Variants in MTAP observed in about 807,000 individuals in gnomAD.
MTAP encodes the protein S-methyl-5'-thioadenosine phosphorylase.
Under a neutral mutation model 33.6 loss-of-function variants are expected in MTAP, and 33 were observed. The observed-to-expected ratio is 0.98, with a 90% confidence interval of 0.74 to 1.31. The LOEUF (loss-of-function observed/expected upper bound fraction) is 1.31. Ranked by LOEUF, MTAP falls within the 40% of genes most tolerant of loss-of-function variation. MTAP has a pLI of 0.00. For synonymous variants in MTAP, 148 were observed against 125.7 expected (o/e 1.18, Z -1.19); for missense variants, 367 against 360.0 (o/e 1.02, Z -0.16).
At chr9:21,869,192 C>T (rs973944816), downstream of MTAP, among the ~76,000 whole-genome samples, 21 of 152,112 alleles carry the variant, frequency 1.4e-4, no homozygotes, top group Admixed American at 7.2e-4. Context: ...TAAAATCCCT[C>T]GAGTTATTGT....
intron 1 of MTAP, chr9:21,803,138 C>A (rs1159532894): frequency 6.9e-6 from 3 of 433,670 alleles, no homozygotes; most frequent in Non-Finnish European, 7.8e-6. Context: ...CACCACCATT[C>A]CTGAGAACCA....
intron 1 of MTAP, among the ~76,000 whole-genome samples, chr9:21,805,845 T>C (rs1165656533): frequency 6.6e-6 from 1 of 152,192 alleles, no homozygotes; most frequent in Admixed American, 6.5e-5. Context: ...TATTTTGTTA[T>C]AGCAGCCTGA....
At position 21,837,615 on chromosome 9, in the gene MTAP, G is replaced by T. The variant is rs117781186; in HGVS notation, c.348-293G>T. Reference sequence around the variant, plus strand: ...CTTAAGTGTCTTACCTGGCCTTTCTGAGCCCACAGTTGAGTTGCACCTGCA... The same window carrying T: ...CTTAAGTGTCTTACCTGGCCTTTCTTAGCCCACAGTTGAGTTGCACCTGCA... On this transcript the variant is annotated intron_variant, in intron 4 of 7. Coordinates refer to ENST00000644715, the MANE Select transcript of MTAP (RefSeq NM_002451.4). Among the ~76,000 whole-genome samples the T allele has an allele frequency of 9.0e-3, 1,377 of 152,278 alleles. 14 individuals carry two copies. Among genetic ancestry groups the T allele is most frequent in the Non-Finnish European group, 0.014 (978 of 68,026 alleles).
chr9:21,854,701 G>T lies in MTAP; in HGVS notation c.521G>T (p.Gly174Val). Residue 174 changes from glycine to valine, a missense_variant, in exon 6 of 8, where the codon GGA becomes GTA. Physicochemically the swap from Gly to Val is moderately radical, Grantham distance 109 (BLOSUM62 -3). Transcript: ENST00000644715. ...HSKGTMVTIEGPRFSSRAESF... is the reference protein window; with the variant it reads ...HSKGTMVTIEVPRFSSRAESF... ...AAGGGGACAATGGTCACAATCGAGG[G>T]ACCTCGTTTTAGCTCCCGGGCAGAA... 1 of 1,614,038 alleles carries T rather than the reference G, an allele frequency of 6.2e-7. No individual in the cohort carries two copies. Among genetic ancestry groups the T allele is most frequent in the Non-Finnish European group, 8.5e-7 (1 of 1,179,930 alleles).
In MTAP at chr9:21,816,776, T is replaced by G. The variant is rs565103986; in HGVS notation, c.179+4T>G. 65 of 1,607,720 alleles carry G rather than the reference T, an allele frequency of 4.0e-5. 1 individual carries two copies. The South Asian group carries it at 6.8e-4, about 17-fold the overall frequency. On this transcript the variant is annotated splice_donor_region_variant and intron_variant, in intron 3 of 7. Transcript: ENST00000644715. Reference sequence around the variant, plus strand: ...TTGATTGCGTCCTCCTTGCAAGGTATGGTATTTTAAGCTTTTTGGATGTTA... The same window carrying G: ...TTGATTGCGTCCTCCTTGCAAGGTAGGGTATTTTAAGCTTTTTGGATGTTA...
At chr9:21,930,853 C>G in intron 1 of MTAP, 1 of 655,138 alleles carries the variant, frequency 1.5e-6, no homozygotes, top group South Asian at 1.8e-5. Flanking sequence ...GAACAAGCCT[C>G]TCGTGGTTAG....
chr9:21,802,643 C>T lies in MTAP; in HGVS notation c.-106C>T. 7.6e-7 allele frequency: 1 copy of T among 1,316,540 alleles called. No homozygotes were observed. The highest frequency in any genetic ancestry group is 1.1e-6 in the Non-Finnish European group (1 of 930,046). 81.6% of individuals were successfully genotyped at this position (1,316,540 alleles called of 1,614,324 possible). On this transcript the variant is annotated 5_prime_UTR_variant, in exon 1 of 8. Transcript: ENST00000644715. ...TCAAGGCCCGCCCCTGGTCTCCGCA[C>T]TGCTCACTCCCGCGCAGTGAGGTTG...
chr9:21,909,396 A>T (rs1437977207), intron 1 of MTAP, among the ~76,000 whole-genome samples: 2 of 152,256 alleles, frequency 1.3e-5, no homozygotes, highest in East Asian at 3.9e-4. Flanking sequence ...GAATGTATAT[A>T]GTCCATATAG....
downstream of MTAP, among the ~76,000 whole-genome samples, chr9:21,868,765 C>G (rs923517836): frequency 2.6e-5 from 4 of 152,170 alleles, no homozygotes; most frequent in Non-Finnish European, 4.4e-5. Flanking sequence ...CTGCTGCTCT[C>G]TCCCAAACTG....
At chr9:21,808,607 CA>C (rs1824268263) in intron 1 of MTAP, among the ~76,000 whole-genome samples, 1 of 142,808 alleles carries the variant, frequency 7.0e-6, no homozygotes, top group African/African-American at 2.6e-5. Flanking sequence ...AAAAAAAAAA[CA>C]CACACACACA....
downstream of MTAP, among the ~76,000 whole-genome samples, chr9:21,940,380 C>T (rs944681565): frequency 1.6e-4 from 24 of 152,228 alleles, no homozygotes; most frequent in African/African-American, 5.1e-4. Context: ...ATCAGTTTTA[C>T]TGTGATTATT....
At chr9:21,877,220 A>G (rs1826025170) in intron 1 of MTAP, among the ~76,000 whole-genome samples, 1 of 152,034 alleles carries the variant, frequency 6.6e-6, no homozygotes, top group Non-Finnish European at 1.5e-5. Flanking sequence ...GTATCCTGAA[A>G]TTTTGCTGAA....
rs949366316 is a variant in MTAP, at chr9:21,865,788, A to G, written c.*3774A>G. ...CTTCAGAAAGACAATCTCGGCATGC[A>G]TTATTTCTTTGTTTTGAAGATTCAC... On this transcript the variant is annotated 3_prime_UTR_variant, in exon 8 of 8. Coordinates refer to ENST00000644715, the MANE Select transcript of MTAP (RefSeq NM_002451.4). The G allele has an allele frequency of 2.9e-4, 301 of 1,027,464 alleles. No homozygotes were observed. Among genetic ancestry groups the G allele is most frequent in the Non-Finnish European group, 3.5e-4 (297 of 851,576 alleles). 63.6% of individuals were successfully genotyped at this position (1,027,464 alleles called of 1,614,324 possible). A position where few individuals can be genotyped will look rare whatever the true frequency, so the allele number is the denominator to read the frequency against.
At chr9:21,884,673 C>G (rs1021428814) in intron 1 of MTAP, among the ~76,000 whole-genome samples, 2 of 152,116 alleles carry the variant, frequency 1.3e-5, no homozygotes, top group Non-Finnish European at 2.9e-5. Context: ...TAGTTTCTTT[C>G]TCTTCTTATA....
intron 5 of MTAP, 54 bp downstream of exon 5, chr9:21,838,064 G>A (rs992115429): frequency 4.7e-6 from 7 of 1,485,628 alleles, no homozygotes; most frequent in Non-Finnish European, 6.6e-6. Flanking sequence ...GCTTGGGGTG[G>A]CATCTGGCAT....
At chr9:21,927,168 A>G (rs1473454677) in intron 1 of MTAP, among the ~76,000 whole-genome samples, 2 of 152,232 alleles carry the variant, frequency 1.3e-5, no homozygotes, top group Admixed American at 6.5e-5. Context: ...CACTGAAAGT[A>G]AGCTGTAGCC....
intron 5 of MTAP, among the ~76,000 whole-genome samples, chr9:21,842,221 A>G (rs1336088405): frequency 2.0e-5 from 3 of 152,146 alleles, no homozygotes; most frequent in African/African-American, 7.2e-5. Flanking sequence ...CTGAATCAAG[A>G]CAAAGAAAAA....
intron 1 of MTAP, among the ~76,000 whole-genome samples, chr9:21,928,643 T>A (rs553827527): frequency 1.3e-5 from 2 of 152,116 alleles, no homozygotes; most frequent in Admixed American, 1.3e-4. Flanking sequence ...AGGTTAGTAA[T>A]GCCCTAGGCA....
At chr9:21,911,988 G>A (rs568317379) in intron 1 of MTAP, among the ~76,000 whole-genome samples, 29 of 152,168 alleles carry the variant, frequency 1.9e-4, no homozygotes, top group Non-Finnish European at 4.0e-4. Flanking sequence ...TACCATCAGA[G>A]AATACTATAA....
Sources: allele counts gnomAD v4.1 joint callset (sites outside exome capture counted in the v4.1 genomes callset), GRCh38; gene constraint gnomAD v4.1.1; transcripts MANE v1.5; gene names NCBI Gene and HGNC (gene_info 2026-07-23, HGNC 2026-07-21).